EYS: variants seen among roughly 807,000 people sequenced by gnomAD.
EYS encodes the protein protein eyes shut homolog.
A neutral mutation model predicts 282.1 loss-of-function variants in EYS; 250 were observed. That is an observed-to-expected ratio of 0.89 (90% CI 0.80 to 0.98). The LOEUF (loss-of-function observed/expected upper bound fraction) is 0.98. Among genes scored for constraint, EYS ranks in the 50% least tolerant of loss-of-function variants. The pLI is 0.00. For synonymous variants in EYS, 1,355 were observed against 1,282.9 expected (o/e 1.06, Z -1.20); for missense variants, 4,016 against 3,709.0 (o/e 1.08, Z -2.15).
intron 7 of EYS, among the ~76,000 whole-genome samples, chr6:65,391,219 C>T (rs1410130510): frequency 6.6e-6 from 1 of 152,094 alleles, no homozygotes; most frequent in Non-Finnish European, 1.5e-5. Context: ...AGGATACCTC[C>T]TGTCCCCTAT....
intron 29 of EYS, among the ~76,000 whole-genome samples, chr6:64,326,971 C>T (rs918905287): frequency 4.6e-5 from 7 of 152,172 alleles, no homozygotes; most frequent in South Asian, 2.1e-4. Context: ...CCCACTGACT[C>T]GGACAAAATT....
intron 28 of EYS, among the ~76,000 whole-genome samples, chr6:64,401,427 T>C (rs1270419392): frequency 3.9e-5 from 6 of 152,000 alleles, no homozygotes; most frequent in African/African-American, 1.2e-4. Context: ...TAAAAGCAAA[T>C]GTATGCTTTT....
intron 33 of EYS, among the ~76,000 whole-genome samples, chr6:64,050,379 C>A (rs1378488139): frequency 6.6e-6 from 1 of 152,102 alleles, no homozygotes; most frequent in Non-Finnish European, 1.5e-5. Flanking sequence ...TCTTAGTAGG[C>A]TAAAATTTCA....
At position 65,109,037 on chromosome 6, in the gene EYS, G is replaced by A. The variant is rs183897657; in HGVS notation, c.2024-51310C>T. On this transcript the variant is annotated intron_variant, in intron 12 of 42. Transcript: ENST00000503581. The stretch of plus-strand genomic sequence containing the variant: ...ATTGTATTTTTTTTAGCTCTAGAAC[G>A]TCTTTCTCCTTATCTCGCTGAGATT... Among the ~76,000 whole-genome samples, 40 of 151,758 alleles carry A rather than the reference G, an allele frequency of 2.6e-4. No homozygotes were observed. The East Asian group carries it at 5.4e-3, about 21-fold the overall frequency.
At chr6:64,023,552 T>C (rs1294814397) in intron 33 of EYS, among the ~76,000 whole-genome samples, 2 of 152,272 alleles carry the variant, frequency 1.3e-5, no homozygotes, top group Non-Finnish European at 2.9e-5. Flanking sequence ...CCAACACTTG[T>C]TATTTTTCTT....
At chr6:64,815,059 T>C (rs190361023) in intron 21 of EYS, among the ~76,000 whole-genome samples, 1 of 152,124 alleles carries the variant, frequency 6.6e-6, no homozygotes, top group East Asian at 1.9e-4. Context: ...TCAGAGAGAT[T>C]AATTAGCGTC....
At chr6:65,501,597 T>C (rs1001285134) in intron 2 of EYS, among the ~76,000 whole-genome samples, 3 of 151,806 alleles carry the variant, frequency 2.0e-5, no homozygotes, top group Non-Finnish European at 2.9e-5. Flanking sequence ...GGTAACTCAC[T>C]GATTATAGAG....
At chr6:64,547,765 T>C (rs1226238883) in intron 26 of EYS, among the ~76,000 whole-genome samples, 1 of 152,134 alleles carries the variant, frequency 6.6e-6, no homozygotes, top group Non-Finnish European at 1.5e-5. Context: ...CTGGGCGCTG[T>C]GGAGCAGGGG....
At chr6:65,639,349 G>A (rs1166703906) in intron 2 of EYS, among the ~76,000 whole-genome samples, 3 of 151,976 alleles carry the variant, frequency 2.0e-5, no homozygotes, top group African/African-American at 7.2e-5. Context: ...AAGTAATAAA[G>A]GGTCACTTCT....
At chr6:64,740,714 AC>A (rs1368686225) in intron 22 of EYS, among the ~76,000 whole-genome samples, 3 of 82,352 alleles carry the variant, frequency 3.6e-5, no homozygotes, top group African/African-American at 8.2e-5. Context: ...GAATATGTCC[AC>A]TTTTTTTTTT....
At position 65,522,522 on chromosome 6, in the gene EYS, G is replaced by C. The variant is rs73743925; in HGVS notation, c.-332-26529C>G. Among the ~76,000 whole-genome samples, 1,513 of 152,232 alleles carry C rather than the reference G, an allele frequency of 9.9e-3. 23 individuals are homozygous for C. The highest frequency in any genetic ancestry group is 0.034 in the African/African-American group (1,422 of 41,540). On this transcript the variant is annotated intron_variant, in intron 2 of 42. Coordinates refer to ENST00000503581, the MANE Select transcript of EYS (RefSeq NM_001142800.2). ...GGGTGGAGATGGGTTGTTTGTTTTTGAGAGAGTCGATCTGTCATCCAGGCT... is the reference window on the plus strand; with the variant it reads ...GGGTGGAGATGGGTTGTTTGTTTTTCAGAGAGTCGATCTGTCATCCAGGCT...
intron 14 of EYS, among the ~76,000 whole-genome samples, chr6:64,950,807 ATATATATATATATATATATATATATATT>A (rs1394798591): frequency 4.3e-5 from 4 of 93,078 alleles, no homozygotes; most frequent in Non-Finnish European, 6.8e-5. Flanking sequence ...ACATATATAT[ATATATATATATATATATATATATATATT>A]GTTGAATTGT....
intron 29 of EYS, among the ~76,000 whole-genome samples, chr6:64,345,845 A>T (rs974136448): frequency 6.6e-6 from 1 of 152,138 alleles, no homozygotes; most frequent in Admixed American, 6.6e-5. Context: ...AAACTCAAAC[A>T]AATTTACAAG....
intron 13 of EYS, among the ~76,000 whole-genome samples, chr6:65,015,577 A>C (rs542149869): frequency 8.5e-5 from 13 of 152,280 alleles, no homozygotes; most frequent in African/African-American, 3.1e-4. Context: ...TATTTCTTTG[A>C]AGTTTTATTT....
chr6:64,703,410 CATAT>C (rs1554194845), intron 22 of EYS, among the ~76,000 whole-genome samples: 1 of 51,536 alleles, frequency 1.9e-5, no homozygotes, highest in Admixed American at 2.5e-4. Flanking sequence ...CACACACACA[CATAT>C]ATATATATAT....
chr6:65,578,149 A>C (rs538220097), intron 2 of EYS, among the ~76,000 whole-genome samples: 77 of 151,996 alleles, frequency 5.1e-4, no homozygotes, highest in African/African-American at 1.9e-3. Context: ...AGCACTAGTC[A>C]CAATAGTCAA....
chr6:64,522,398 A>C lies in EYS; in HGVS notation c.5644+67825T>G, dbSNP rs559578708. Among the ~76,000 whole-genome samples the C allele has an allele frequency of 2.0e-5, 3 of 151,858 alleles. No homozygotes were observed. In the East Asian group the frequency reaches 5.8e-4, roughly 29 times the overall value. Reference sequence around the variant, plus strand: ...TGTTAGAATGTAGAAAAGAACATAAACTGAGACTTAAAGGGGCAGTGGAGT... The same window carrying C: ...TGTTAGAATGTAGAAAAGAACATAACCTGAGACTTAAAGGGGCAGTGGAGT... On this transcript the variant is annotated intron_variant, in intron 26 of 42. Coordinates refer to ENST00000503581, the MANE Select transcript of EYS (RefSeq NM_001142800.2).
intron 19 of EYS, among the ~76,000 whole-genome samples, chr6:64,862,293 T>C (rs1053566570): frequency 1.1e-4 from 17 of 152,204 alleles, no homozygotes; most frequent in Admixed American, 2.0e-4. Context: ...TCTGAATTCA[T>C]TGGTTTCTCT....
intron 8 of EYS, among the ~76,000 whole-genome samples, chr6:65,359,664 A>G (rs1764624119): frequency 6.6e-6 from 1 of 152,026 alleles, no homozygotes; most frequent in South Asian, 2.1e-4. Flanking sequence ...GTTTTTAGAA[A>G]CCATACAGAA....
Sources: gnomAD v4.1 joint callset for allele counts (sites outside exome capture counted in the v4.1 genomes callset) on GRCh38, gnomAD v4.1.1 for gene constraint, MANE v1.5 for transcripts, NCBI Gene and HGNC (gene_info 2026-07-23, HGNC 2026-07-21) for gene names.